TC2N: variants seen among roughly 807,000 people sequenced by gnomAD.
The protein encoded by TC2N is tandem C2 domains, nuclear.
TC2N carries 51 observed loss-of-function variants against 61.9 expected under a neutral mutation model. The ratio of observed to expected loss-of-function variants is 0.82; its 90% CI spans 0.66 to 1.04. The LOEUF is 1.04. TC2N is among the 50% of genes least tolerant of loss of function. The probability of loss-of-function intolerance (pLI) is 0.00; values close to 1 mark genes in which losing one functional copy is unlikely to be tolerated. For missense variants in TC2N, 556 were observed against 566.7 expected (o/e 0.98, Z 0.19); for synonymous variants, 204 against 192.6 (o/e 1.06, Z -0.49).
At chr14:91,832,818 A>G (rs1462994090) in intron 1 of TC2N, among the ~76,000 whole-genome samples, 1 of 152,236 alleles carries the variant, frequency 6.6e-6, no homozygotes, top group Non-Finnish European at 1.5e-5. Context: ...ATAAAAAAAA[A>G]GACTGAAAAC....
chr14:91,837,394 AT>A lies in TC2N; in HGVS notation c.-56-23570del, dbSNP rs1888065758. Among the ~76,000 whole-genome samples the A allele has an allele frequency of 6.6e-6, 1 of 151,896 alleles. No homozygotes were observed. Among genetic ancestry groups the A allele is most frequent in the South Asian group, 2.1e-4 (1 of 4,822 alleles). On this transcript the variant is annotated intron_variant, in intron 1 of 11. Transcript: ENST00000435962. The surrounding 1 kb of genome is among the most constrained non-coding windows in gnomAD (Gnocchi z 4.2). ...GCCAGCATGCCAGGCTAATTTTTTA[AT>A]TTTTTGTAGAGATGAAGTCTTATTA...
intron 1 of TC2N, among the ~76,000 whole-genome samples, chr14:91,820,255 C>T (rs936011364): frequency 2.0e-5 from 3 of 151,982 alleles, no homozygotes; most frequent in African/African-American, 7.2e-5. Context: ...AATCCAGAAA[C>T]GTATAAAAGA....
intron 4 of TC2N, 142 bp from the exon 5 acceptor site, chr14:91,800,514 T>A: frequency 2.3e-6 from 1 of 438,674 alleles, no homozygotes; most frequent in Non-Finnish European, 4.0e-6. Flanking sequence ...TAATAAAAAT[T>A]TTTTAAACTT....
At position 91,800,363 on chromosome 14, in the gene TC2N, A is replaced by C; in HGVS notation, c.479T>G (p.Leu160Ter). Residue 160 changes from leucine (L) to a stop codon, truncating the protein, a stop_gained, in exon 5 of 12, where the codon TTA (leucine) becomes TGA (stop). Transcript: ENST00000435962. LOFTEE classifies it high-confidence loss of function. ...GGAACCGGGAAGTTTGTTCGTCCTT[A>C]AATCACAAACTACAAAGGGATATGA... ...VKRLYGSVCD[L>*]RTNKLPGSPG... The C allele has an allele frequency of 6.3e-7, 1 of 1,594,954 alleles. No homozygotes were observed. Among genetic ancestry groups the C allele is most frequent in the East Asian group, 2.3e-5 (1 of 44,262 alleles).
intron 1 of TC2N, among the ~76,000 whole-genome samples, chr14:91,833,737 C>T (rs1269230166): frequency 6.6e-6 from 1 of 152,114 alleles, no homozygotes; most frequent in Non-Finnish European, 1.5e-5. Context: ...GTTTTACTTT[C>T]GCAGACAATG....
chr14:91,807,983 C>A (rs542273743), intron 3 of TC2N, among the ~76,000 whole-genome samples: 90 of 152,246 alleles, frequency 5.9e-4, no homozygotes, highest in African/African-American at 2.0e-3. Context: ...AGTCTCAGAT[C>A]TGATGGTTTT....
intron 1 of TC2N, among the ~76,000 whole-genome samples, chr14:91,844,113 T>G (rs573536182): frequency 2.0e-4 from 30 of 152,200 alleles, no homozygotes; most frequent in Admixed American, 5.2e-4. Flanking sequence ...AAGTGGCTTT[T>G]AAAGAGTTAT....
chr14:91,786,679 T>C (rs1595218770), intron 10 of TC2N, among the ~76,000 whole-genome samples: 1 of 152,236 alleles, frequency 6.6e-6, no homozygotes, highest in African/African-American at 2.4e-5. Flanking sequence ...TTATACATGA[T>C]AGAATCTCTT....
At chr14:91,815,607 TA>T (rs1886971869) in intron 1 of TC2N, among the ~76,000 whole-genome samples, 1 of 151,646 alleles carries the variant, frequency 6.6e-6, no homozygotes, top group African/African-American at 2.4e-5. Context: ...CAGGAGGTTT[TA>T]AACATATGCG....
At chr14:91,786,767 T>G (rs1189734813) in intron 10 of TC2N, among the ~76,000 whole-genome samples, 1 of 152,214 alleles carries the variant, frequency 6.6e-6, no homozygotes, top group African/African-American at 2.4e-5. Flanking sequence ...GATCTCACCT[T>G]CTATAGATGT....
intron 1 of TC2N, among the ~76,000 whole-genome samples, chr14:91,841,118 A>G (rs1042633973): frequency 4.1e-4 from 62 of 152,198 alleles, no homozygotes; most frequent in Admixed American, 4.1e-3. Flanking sequence ...AGAGAATCCA[A>G]AAACAAAAGA....
rs1314462431 is a variant in TC2N at position 91,787,626 on chromosome 14, ACCTGC to A, written c.1048-4_1048del. The A allele has an allele frequency of 6.4e-7, 1 of 1,572,484 alleles. No individual in the cohort carries two copies. Among genetic ancestry groups the A allele is most frequent in the African/African-American group, 1.4e-5 (1 of 73,724 alleles). ...CCCCAATTCAAGTTCTGCATGGCAA[ACCTGC>A]ATATCAAAAAAGTGTCATTTGGTAG... On this transcript the variant is annotated splice_acceptor_variant and splice_polypyrimidine_tract_variant and coding_sequence_variant and intron_variant, in exon 10 of 12. Coordinates refer to ENST00000435962, the MANE Select transcript of TC2N (RefSeq NM_001128596.3). LOFTEE classifies it high-confidence loss of function.
intron 1 of TC2N, among the ~76,000 whole-genome samples, chr14:91,843,133 T>C (rs776273261): frequency 2.6e-5 from 4 of 152,030 alleles, no homozygotes; most frequent in Non-Finnish European, 4.4e-5. Context: ...CCAAGGAGGG[T>C]AAGACACCCT....
At chr14:91,820,584 A>C (rs1272300863) in intron 1 of TC2N, among the ~76,000 whole-genome samples, 1 of 151,924 alleles carries the variant, frequency 6.6e-6, no homozygotes, top group African/African-American at 2.4e-5. Flanking sequence ...ACCTTTATTC[A>C]ACACTATATT....
intron 3 of TC2N, among the ~76,000 whole-genome samples, chr14:91,804,758 AAGAG>A (rs1886429515): frequency 6.6e-6 from 1 of 152,196 alleles, no homozygotes; most frequent in Admixed American, 6.5e-5. Context: ...GAAGAAAGGC[AAGAG>A]AGTCATGATT....
intron 1 of TC2N, among the ~76,000 whole-genome samples, chr14:91,832,535 C>G (rs189388078): frequency 1.3e-5 from 2 of 152,244 alleles, no homozygotes; most frequent in East Asian, 3.9e-4. Context: ...CAATGGGATA[C>G]CATTTCTCAC....
chr14:91,850,177 T>G, intron 1 of TC2N, among the ~76,000 whole-genome samples: 1 of 50,586 alleles, frequency 2.0e-5, no homozygotes, highest in South Asian at 9.8e-4. Context: ...CCTCAATCTC[T>G]TTCCTAAAAA....
At chr14:91,783,306 A>G (rs1885214592) in intron 11 of TC2N, 96 bp from the exon 12 acceptor site, 1 of 631,258 alleles carries the variant, frequency 1.6e-6, no homozygotes, top group African/African-American at 1.9e-5. Context: ...GAAATTTGGA[A>G]GTTTGCTTTA....
At chr14:91,806,878 C>A in intron 3 of TC2N, among the ~76,000 whole-genome samples, 1 of 152,212 alleles carries the variant, frequency 6.6e-6, no homozygotes, top group East Asian at 1.9e-4. Context: ...GCAGCAAGCC[C>A]TCCCATCACA....
Sources: allele counts gnomAD v4.1 joint callset (sites outside exome capture counted in the v4.1 genomes callset), GRCh38; gene constraint gnomAD v4.1.1; non-coding constraint Gnocchi (gnomAD v3.1); transcripts MANE v1.5; gene names NCBI Gene and HGNC (gene_info 2026-07-23, HGNC 2026-07-21).